The following CTNNA3 variants were observed in gnomAD, a reference collection of about 807,000 sequenced individuals.
CTNNA3 encodes the protein catenin alpha 3.
CTNNA3 carries 76 observed loss-of-function variants against 95.7 expected under a neutral mutation model. The observed-to-expected ratio is 0.79, with a 90% CI of 0.66 to 0.96. The LOEUF (loss-of-function observed/expected upper bound fraction) is 0.96, where lower values mean the gene tolerates loss of function less well. Among genes scored for constraint, CTNNA3 ranks in the 40% least tolerant of loss-of-function variants. The pLI, the probability that CTNNA3 is intolerant of heterozygous loss-of-function variation, is 0.00. For synonymous variants in CTNNA3, 431 were observed against 374.4 expected (o/e 1.15, Z -1.74); for missense variants, 1,191 against 1,089.8 (o/e 1.09, Z -1.31).
chr10:66,378,377 G>A (rs2092810809), intron 12 of CTNNA3, among the ~76,000 whole-genome samples: 1 of 151,918 alleles, frequency 6.6e-6, no homozygotes, highest in Non-Finnish European at 1.5e-5. Flanking sequence ...CCTAGTGTGA[G>A]GAGGCAATAG....
chr10:66,607,509 AGAAAC>A (rs1356376428), intron 10 of CTNNA3, among the ~76,000 whole-genome samples: 3 of 151,260 alleles, frequency 2.0e-5, no homozygotes, highest in African/African-American at 7.3e-5. Context: ...AAGAAAGAAA[AGAAAC>A]TTCAGGCCAA....
intron 10 of CTNNA3, among the ~76,000 whole-genome samples, chr10:66,560,298 T>C (rs944788203): frequency 1.4e-5 from 2 of 146,248 alleles, no homozygotes; most frequent in African/African-American, 2.8e-5. Flanking sequence ...TTTTTGAGTC[T>C]TGGTTTTCTT....
chr10:67,052,064 A>G (rs1269343307), intron 7 of CTNNA3, among the ~76,000 whole-genome samples: 2 of 152,060 alleles, frequency 1.3e-5, no homozygotes, highest in Non-Finnish European at 2.9e-5. Context: ...CTAACCTACA[A>G]ATTTTTAAAT....
In CTNNA3 at chr10:67,619,973, A is replaced by C. The variant is rs76861263; in HGVS notation, c.100-12924T>G. On this transcript the variant is annotated intron_variant, in intron 2 of 17. Coordinates refer to ENST00000433211, the MANE Select transcript of CTNNA3 (RefSeq NM_013266.4). ...TCTTGATTCCCATGAGGCTTAGATG[A>C]AACCCAGAACATCCTAGATACCATG... Among the ~76,000 whole-genome samples, 738 of 152,058 alleles carry C rather than the reference A, an allele frequency of 4.9e-3. 6 individuals carry two copies. The highest frequency in any genetic ancestry group is 0.024 in the Middle Eastern group (7 of 294).
intron 7 of CTNNA3, among the ~76,000 whole-genome samples, chr10:66,917,008 C>T (rs1196707053): frequency 2.6e-5 from 4 of 152,142 alleles, no homozygotes; most frequent in Non-Finnish European, 5.9e-5. Context: ...GGTCATTGCC[C>T]TCATCCTTGT....
intron 7 of CTNNA3, among the ~76,000 whole-genome samples, chr10:66,929,543 G>T (rs1007647118): frequency 6.6e-6 from 1 of 152,120 alleles, no homozygotes; most frequent in Non-Finnish European, 1.5e-5. Flanking sequence ...ATTCCAAGAC[G>T]TGCCTTCCAC....
At chr10:66,302,352 A>G (rs1024998725) in intron 12 of CTNNA3, among the ~76,000 whole-genome samples, 5 of 152,072 alleles carry the variant, frequency 3.3e-5, no homozygotes, top group African/African-American at 1.2e-4. Context: ...AAAGCAAAAG[A>G]CCCAGAATAC....
intron 10 of CTNNA3, among the ~76,000 whole-genome samples, chr10:66,536,087 T>C (rs573507421): frequency 1.3e-5 from 2 of 151,560 alleles, no homozygotes; most frequent in South Asian, 4.2e-4. Flanking sequence ...GAGCTATAGA[T>C]TGTTGTTGAA....
intron 5 of CTNNA3, among the ~76,000 whole-genome samples, chr10:67,480,496 T>C (rs563089631): frequency 1.1e-4 from 16 of 152,338 alleles, no homozygotes; most frequent in African/African-American, 3.6e-4. Flanking sequence ...GTTGCCGGTT[T>C]ACCAGAATGA....
At chr10:66,316,251 C>T (rs2092098390) in intron 12 of CTNNA3, among the ~76,000 whole-genome samples, 1 of 151,932 alleles carries the variant, frequency 6.6e-6, no homozygotes, top group Non-Finnish European at 1.5e-5. Context: ...AATAAATATT[C>T]GCAAAAGTGA....
At position 66,983,129 on chromosome 10, in the gene CTNNA3, T is replaced by G. The variant is rs189460860; in HGVS notation, c.1047+197188A>C. On this transcript the variant is annotated intron_variant, in intron 7 of 17. Transcript: ENST00000433211. Reference sequence around the variant, plus strand: ...ATTGATTTCACAAAGTCAGCAGGACTTAAAAACTAATGAGCAAATTTTTTT... The same window carrying G: ...ATTGATTTCACAAAGTCAGCAGGACGTAAAAACTAATGAGCAAATTTTTTT... Among the ~76,000 whole-genome samples, 5 of 152,342 alleles carry G rather than the reference T, an allele frequency of 3.3e-5. No homozygotes were observed. The East Asian group carries it at 9.6e-4, about 29-fold the overall frequency.
rs1006895359 is a variant in CTNNA3 at position 65,912,634 on chromosome 10, A to C, written c.*7696T>G. The C allele has an allele frequency of 3.9e-5, 6 of 152,186 alleles. No homozygotes were observed. The highest frequency in any genetic ancestry group is 1.4e-4 in the African/African-American group (6 of 41,454). The allele number at this position is 152,186 out of a possible 1,614,324, so 9.4% of individuals were successfully genotyped here. A position where few individuals can be genotyped will look rare whatever the true frequency, so the allele number is the denominator to read the frequency against. On this transcript the variant is annotated 3_prime_UTR_variant, in exon 18 of 18. Transcript: ENST00000433211. ...TGAGTTGAAATTAGAATAAAGTAAA[A>C]TAATACTATATAACCAAAACAAACC... is the stretch of plus-strand genomic sequence containing the variant.
intron 10 of CTNNA3, among the ~76,000 whole-genome samples, chr10:66,529,334 G>A (rs189828571): frequency 1.3e-5 from 2 of 151,960 alleles, no homozygotes; most frequent in East Asian, 3.9e-4. Context: ...GTTTCACCAT[G>A]TTGGGCAGGC....
At chr10:66,650,743 G>C (rs977235349) in intron 9 of CTNNA3, among the ~76,000 whole-genome samples, 1 of 151,686 alleles carries the variant, frequency 6.6e-6, no homozygotes, top group African/African-American at 2.4e-5. Context: ...ATCTGGAGTT[G>C]TTCCTTCCTC....
chr10:66,014,653 C>A (rs2079060839), intron 15 of CTNNA3, among the ~76,000 whole-genome samples: 1 of 152,088 alleles, frequency 6.6e-6, no homozygotes, highest in Admixed American at 6.6e-5. Flanking sequence ...ACTGTGATAA[C>A]CGCTAGGCCA....
intron 11 of CTNNA3, among the ~76,000 whole-genome samples, chr10:66,436,360 G>A (rs12249575): frequency 0.12 from 17,805 of 152,012 alleles, 1,508 homozygotes; most frequent in African/African-American, 0.24. Flanking sequence ...GGATGCTCCT[G>A]TATTGTGTGC....
intron 5 of CTNNA3, among the ~76,000 whole-genome samples, chr10:67,409,743 TTAAAA>T (rs780110595): frequency 4.6e-5 from 7 of 152,078 alleles, no homozygotes; most frequent in African/African-American, 7.2e-5. Flanking sequence ...ACTCTGGAAC[TTAAAA>T]TAAAAGTTGA....
intron 7 of CTNNA3, among the ~76,000 whole-genome samples, chr10:67,097,278 C>T (rs2131932250): frequency 6.6e-6 from 1 of 151,874 alleles, no homozygotes; most frequent in Middle Eastern, 3.4e-3. Context: ...AATTATTTTC[C>T]CAGTTAGCGA....
chr10:67,647,518 C>T lies in CTNNA3; in HGVS notation c.-5G>A. 3 of 1,611,406 alleles carry T rather than the reference C, an allele frequency of 1.9e-6. No homozygotes were observed. Among genetic ancestry groups the T allele is most frequent in the Non-Finnish European group, 1.7e-6 (2 of 1,178,232 alleles). On this transcript the variant is annotated splice_region_variant and 5_prime_UTR_variant, in exon 2 of 18. Transcript: ENST00000433211. ...GATTGGTGTTTCAGCTGACATGCTG[C>T]CTGTGCACAAACACAAAAGGATGCT... is the stretch of plus-strand genomic sequence containing the variant.
Sources: gnomAD v4.1 joint callset for allele counts (sites outside exome capture counted in the v4.1 genomes callset) on GRCh38, gnomAD v4.1.1 for gene constraint, MANE v1.5 for transcripts, NCBI Gene and HGNC (gene_info 2026-07-23, HGNC 2026-07-21) for gene names.